The following RCOR1 variants were observed in gnomAD, a reference collection of about 807,000 sequenced individuals.
The protein encoded by RCOR1 is REST corepressor.
RCOR1 carries 12 observed loss-of-function variants against 64.0 expected under a neutral mutation model. The ratio of observed to expected loss-of-function variants is 0.19; its 90% CI spans 0.12 to 0.30. The LOEUF (loss-of-function observed/expected upper bound fraction) is 0.30, where lower values mean the gene tolerates loss of function less well. Ranked by LOEUF, RCOR1 falls within the 10% of genes least tolerant of loss-of-function variation. The probability of loss-of-function intolerance (pLI) is 1.00; values close to 1 mark genes in which losing one functional copy is unlikely to be tolerated. For synonymous variants in RCOR1, 279 were observed against 227.2 expected (o/e 1.23, Z -2.05); for missense variants, 502 against 621.2 (o/e 0.81, Z 2.04).
chr14:102,593,763 C>T (rs1893185363), intron 2 of RCOR1, among the ~76,000 whole-genome samples: 1 of 152,186 alleles, frequency 6.6e-6, no homozygotes, highest in Non-Finnish European at 1.5e-5. Context: ...AGGCTGCTCC[C>T]CACGCCTTTG....
chr14:102,725,634 G>C (rs1471488776), intron 11 of RCOR1, among the ~76,000 whole-genome samples: 1 of 152,152 alleles, frequency 6.6e-6, no homozygotes, highest in East Asian at 1.9e-4. Flanking sequence ...GTGGAGTGCA[G>C]TGGTACGATC....
At chr14:102,698,811 C>G (rs117729642) in intron 3 of RCOR1, among the ~76,000 whole-genome samples, 1 of 152,138 alleles carries the variant, frequency 6.6e-6, no homozygotes, top group Non-Finnish European at 1.5e-5. Context: ...ACCACCTGTT[C>G]GAGCAGCCTC....
intron 2 of RCOR1, among the ~76,000 whole-genome samples, chr14:102,638,513 T>A (rs977167608): frequency 3.3e-5 from 5 of 151,940 alleles, no homozygotes; most frequent in Non-Finnish European, 7.4e-5. Context: ...GCCCAGCTCA[T>A]TTTTGTATTT....
chr14:102,658,834 A>G (rs1894776212), intron 2 of RCOR1, among the ~76,000 whole-genome samples: 1 of 152,240 alleles, frequency 6.6e-6, no homozygotes, highest in African/African-American at 2.4e-5. Context: ...TGACTAGACT[A>G]GGGTTATGAA....
intron 11 of RCOR1, among the ~76,000 whole-genome samples, chr14:102,725,438 T>TG (rs1263224976): frequency 6.6e-6 from 1 of 152,166 alleles, no homozygotes. Flanking sequence ...AAGAAGATCC[T>TG]GGGATCGTAT....
At chr14:102,643,913 T>C (rs1168513953) in intron 2 of RCOR1, among the ~76,000 whole-genome samples, 1 of 152,262 alleles carries the variant, frequency 6.6e-6, no homozygotes, top group African/African-American at 2.4e-5. Context: ...CTGGCCCAGA[T>C]GCTAACAATT....
At position 102,593,051 on chromosome 14, in the gene RCOR1, GGCCGCCGCCGCCTCA is replaced by G. The variant is rs775913279; in HGVS notation, c.178_192del (p.Ser60_Ala64del). 132 of 1,381,164 alleles carry G rather than the reference GGCCGCCGCCGCCTCA, an allele frequency of 9.6e-5. No homozygotes were observed. The highest frequency in any genetic ancestry group is 1.1e-4 in the Non-Finnish European group (115 of 1,058,672). 85.6% of individuals were successfully genotyped at this position (1,381,164 alleles called of 1,614,324 possible). ...CGGGCGCCGCCGCCTCCTCAGCCTC[GGCCGCCGCCGCCTCA>G]GCCGCCGCCGCCCCCAATAATGGCC... On this transcript the variant is annotated inframe_deletion, in exon 1 of 12. Coordinates refer to ENST00000262241, the MANE Select transcript of RCOR1 (RefSeq NM_015156.4).
intron 3 of RCOR1, among the ~76,000 whole-genome samples, chr14:102,684,665 C>T (rs1322877325): frequency 6.6e-6 from 1 of 152,094 alleles, no homozygotes; most frequent in African/African-American, 2.4e-5. Flanking sequence ...AAAAAATTCA[C>T]CTATTATTCC....
At chr14:102,633,454 A>G (rs1217081728) in intron 2 of RCOR1, among the ~76,000 whole-genome samples, 1 of 152,108 alleles carries the variant, frequency 6.6e-6, no homozygotes, top group Non-Finnish European at 1.5e-5. Context: ...TTGGCCTCTT[A>G]AAGTGCTAGG....
At position 102,682,087 on chromosome 14, in the gene RCOR1, A is replaced by G. The variant is rs565581181; in HGVS notation, c.445+109A>G. The G allele has an allele frequency of 6.2e-6, 4 of 642,468 alleles. No individual in the cohort carries two copies. The African/African-American group carries it at 7.4e-5, about 12-fold the overall frequency. The allele number at this position is 642,468 out of a possible 1,614,324, so 39.8% of individuals were successfully genotyped here. A position where few individuals can be genotyped will look rare whatever the true frequency, so the allele number is the denominator to read the frequency against. On this transcript the variant is annotated intron_variant, in intron 3 of 11. Coordinates refer to ENST00000262241, the MANE Select transcript of RCOR1 (RefSeq NM_015156.4). ...TGTATTAAATTTCTTTTCTATTTTAAGATAAATAATTTAAAGAGTTTTAAA... is the reference window on the plus strand; with the variant it reads ...TGTATTAAATTTCTTTTCTATTTTAGGATAAATAATTTAAAGAGTTTTAAA...
intron 2 of RCOR1, among the ~76,000 whole-genome samples, chr14:102,594,377 T>G (rs1260917566): frequency 6.6e-6 from 1 of 152,196 alleles, no homozygotes; most frequent in African/African-American, 2.4e-5. Context: ...GCATACATGT[T>G]TTTTCCTTGG....
At chr14:102,723,535 A>G (rs992905551) in intron 11 of RCOR1, among the ~76,000 whole-genome samples, 6 of 152,260 alleles carry the variant, frequency 3.9e-5, no homozygotes, top group African/African-American at 1.2e-4. Context: ...TACCACGTCT[A>G]TAATATTGCC....
At chr14:102,643,844 T>C (rs2139923394) in intron 2 of RCOR1, among the ~76,000 whole-genome samples, 1 of 152,296 alleles carries the variant, frequency 6.6e-6, no homozygotes, top group Middle Eastern at 3.4e-3. Context: ...CATTCCAGAA[T>C]TCTTAATAGC....
At chr14:102,709,555 G>A (rs1318387244) in intron 6 of RCOR1, among the ~76,000 whole-genome samples, 2 of 152,180 alleles carry the variant, frequency 1.3e-5, no homozygotes, top group Non-Finnish European at 2.9e-5. Flanking sequence ...TGAAAGTTGA[G>A]TATCACTTTT....
rs988413242 is a variant in RCOR1, at chr14:102,595,769, C to A, written c.361+2444C>A. 1.3e-5 allele frequency among the ~76,000 whole-genome samples: 2 copies of A among 151,800 alleles called. 1 individual carries two copies. The highest frequency in any genetic ancestry group is 2.9e-5 in the Non-Finnish European group (2 of 67,968). The stretch of plus-strand genomic sequence containing the variant: ...TAATTTTTTGTATTTTTAGTGGAGA[C>A]GGGGTTTCACCGTGTCAGCCAGGAT... On this transcript the variant is annotated intron_variant, in intron 2 of 11. Coordinates refer to ENST00000262241, the MANE Select transcript of RCOR1 (RefSeq NM_015156.4).
At chr14:102,593,867 A>G (rs576942781) in intron 2 of RCOR1, among the ~76,000 whole-genome samples, 2 of 152,254 alleles carry the variant, frequency 1.3e-5, no homozygotes, top group South Asian at 2.1e-4. Flanking sequence ...CCAGTCAATA[A>G]AAGAAGTGTG....
intron 3 of RCOR1, among the ~76,000 whole-genome samples, chr14:102,690,543 ATTGCG>A (rs749188127): frequency 2.0e-5 from 3 of 152,096 alleles, no homozygotes; most frequent in Non-Finnish European, 4.4e-5. Context: ...GTGAGCTGTG[ATTGCG>A]CCACTGCACT....
chr14:102,595,170 T>A (rs1893216284), intron 2 of RCOR1, among the ~76,000 whole-genome samples: 1 of 152,210 alleles, frequency 6.6e-6, no homozygotes, highest in South Asian at 2.1e-4. Context: ...TTGGAATAGA[T>A]ATGAGCATAA....
chr14:102,730,329 A>C lies in RCOR1; in HGVS notation c.*3823A>C. The C allele has an allele frequency of 4.0e-6, 1 of 251,462 alleles. No individual in the cohort carries two copies. The highest frequency in any genetic ancestry group is 1.8e-4 in the South Asian group (1 of 5,688). 15.6% of individuals were successfully genotyped at this position (251,462 alleles called of 1,614,324 possible). A position where few individuals can be genotyped will look rare whatever the true frequency, so the allele number is the denominator to read the frequency against. On this transcript the variant is annotated 3_prime_UTR_variant, in exon 12 of 12. Transcript: ENST00000262241. Reference sequence around the variant, plus strand: ...TCCACGTTGGAATTTTAAAGAAAATATGTTGTAATAATGCTGTTGTAAGTA... The same window carrying C: ...TCCACGTTGGAATTTTAAAGAAAATCTGTTGTAATAATGCTGTTGTAAGTA...
Sources: gnomAD v4.1 joint callset for allele counts (sites outside exome capture counted in the v4.1 genomes callset) on GRCh38, gnomAD v4.1.1 for gene constraint, MANE v1.5 for transcripts, NCBI Gene and HGNC (gene_info 2026-07-23, HGNC 2026-07-21) for gene names.